Variants in AFG2B observed in about 807,000 individuals in gnomAD.
AFG2B encodes ATPase family gene 2 protein homolog B.
the AFG2B span, among the ~76,000 whole-genome samples, chr15:45,408,192 T>G: frequency 2.0e-5 from 3 of 152,192 alleles, no homozygotes; most frequent in Non-Finnish European, 1.5e-5. Flanking sequence ...CAACCTTGAT[T>G]TCTTCTAAAA....
chr15:45,407,852 CA>C, the AFG2B span, among the ~76,000 whole-genome samples: 3 of 150,638 alleles, frequency 2.0e-5, no homozygotes, highest in East Asian at 1.9e-4. Flanking sequence ...TTTTAACTAA[CA>C]AAAAAAAATG....
the AFG2B span, chr15:45,415,724 A>C: frequency 1.2e-5 from 19 of 1,614,004 alleles, no homozygotes; most frequent in Non-Finnish European, 1.6e-5. Context: ...TGAATGAATT[A>C]GATGGTGTTG....
chr15:45,421,258 T>C, the AFG2B span: 2 of 1,351,370 alleles, frequency 1.5e-6, no homozygotes, highest in Non-Finnish European at 2.0e-6. Flanking sequence ...AAATGTGAAC[T>C]TGCCTGTCGT....
chr15:45,414,836 T>A, the AFG2B span: 1 of 1,472,990 alleles, frequency 6.8e-7, no homozygotes, highest in Non-Finnish European at 9.4e-7. Context: ...TTTCATTTCT[T>A]ATGGACAAAC....
the AFG2B span, among the ~76,000 whole-genome samples, chr15:45,408,248 A>G: frequency 1.3e-5 from 2 of 152,218 alleles, no homozygotes; most frequent in African/African-American, 4.8e-5. Flanking sequence ...GGAAAGTTGC[A>G]AGATAGTTAC....
the AFG2B span, chr15:45,402,977 G>A: frequency 1.3e-6 from 2 of 1,594,428 alleles, no homozygotes; most frequent in Non-Finnish European, 1.7e-6. Context: ...CCTCGTACCC[G>A]CGTCAGCCTT....
chr15:45,413,826 A>G, the AFG2B span, among the ~76,000 whole-genome samples: 51 of 152,342 alleles, frequency 3.3e-4, 1 homozygote, highest in Middle Eastern at 0.014. Flanking sequence ...CCTCATTAGC[A>G]GTAAGACCTA....
At chr15:45,419,602 A>G in the AFG2B span, among the ~76,000 whole-genome samples, 1 of 152,190 alleles carries the variant, frequency 6.6e-6, no homozygotes, top group African/African-American at 2.4e-5. Flanking sequence ...GGTACAGTTC[A>G]TTGAATTAAA....
the AFG2B span, chr15:45,414,721 G>T: frequency 6.2e-7 from 1 of 1,614,068 alleles, no homozygotes; most frequent in African/African-American, 1.3e-5. Context: ...TTTCGTTTCA[G>T]TGAGTGGAGC....
chr15:45,420,996 GA>G, the AFG2B span: 4 of 1,578,958 alleles, frequency 2.5e-6, no homozygotes, highest in Admixed American at 1.9e-5. Context: ...CCATCTCAAA[GA>G]AAAAAAAGCA....
At chr15:45,409,184 T>C in the AFG2B span, among the ~76,000 whole-genome samples, 1 of 152,044 alleles carries the variant, frequency 6.6e-6, no homozygotes, top group African/African-American at 2.4e-5. Context: ...AAGACCAGCC[T>C]GGCCAACATG....
chr15:45,415,533 T>G, the AFG2B span: 3 of 1,331,574 alleles, frequency 2.3e-6, no homozygotes, highest in South Asian at 2.6e-5. Flanking sequence ...AATAGTAATA[T>G]CACATGACTA....
chr15:45,419,403 A>C, the AFG2B span, among the ~76,000 whole-genome samples: 1 of 151,842 alleles, frequency 6.6e-6, no homozygotes, highest in African/African-American at 2.4e-5. Flanking sequence ...CGAAGGTTGC[A>C]GTAAGATGAG....
chr15:45,402,942 T>C, the AFG2B span: 22 of 1,597,890 alleles, frequency 1.4e-5, no homozygotes, highest in Admixed American at 8.3e-5. Flanking sequence ...GGACGCCCAG[T>C]CCCGATCCCG....
At chr15:45,416,252 C>T in the AFG2B span, among the ~76,000 whole-genome samples, 1 of 152,018 alleles carries the variant, frequency 6.6e-6, no homozygotes, top group Non-Finnish European at 1.5e-5. Context: ...ATAGCAAGGC[C>T]CCATATCTGA....
At chr15:45,408,531 A>G in the AFG2B span, among the ~76,000 whole-genome samples, 1 of 152,232 alleles carries the variant, frequency 6.6e-6, no homozygotes, top group African/African-American at 2.4e-5. Flanking sequence ...TCACCACAGT[A>G]TGGTGATGTA....
chr15:45,402,570 G>T, the AFG2B span: 38,748 of 1,579,392 alleles, frequency 0.025, 6,954 homozygotes, highest in African/African-American at 0.42. Context: ...GCTCGGCAGT[G>T]AAGATCTCGC....
the AFG2B span, among the ~76,000 whole-genome samples, chr15:45,418,296 A>G: frequency 6.7e-6 from 1 of 149,140 alleles, no homozygotes; most frequent in African/African-American, 2.5e-5. Context: ...GTGAGCCAAG[A>G]TCGTGCCAGT....
At chr15:45,415,927 G>T in the AFG2B span, 1 of 753,622 alleles carries the variant, frequency 1.3e-6, no homozygotes, top group Non-Finnish European at 2.0e-6. Context: ...ATTTCAGTTT[G>T]ACTTTGTTAG....
Sources: gnomAD v4.1 joint callset for allele counts (sites outside exome capture counted in the v4.1 genomes callset) on GRCh38, gnomAD v4.1.1 for gene constraint, MANE v1.5 for transcripts, NCBI Gene and HGNC (gene_info 2026-07-23, HGNC 2026-07-21) for gene names.